SYNGR4: variants seen among roughly 807,000 people sequenced by gnomAD.
SYNGR4 encodes synaptogyrin 4, also known as synaptogyrin-4.
SYNGR4 carries 15 observed loss-of-function variants against 15.5 expected under a neutral mutation model. That is an observed-to-expected ratio of 0.97 (90% CI 0.65 to 1.49). The LOEUF is 1.49. Ranked by LOEUF, SYNGR4 falls within the 40% of genes most tolerant of loss-of-function variation. The pLI is 0.00. For missense variants in SYNGR4, 292 were observed against 299.3 expected, an observed-to-expected ratio of 0.98 and a Z score of 0.18; for synonymous variants, 121 against 127.4, an observed-to-expected ratio of 0.95 and a Z score of 0.34.
In SYNGR4 at chr19:48,376,363, G is replaced by A; in HGVS notation, c.*45G>A. ...TAAAGAGAGAATCCTCCCTCCAGAA[G>A]GGTTTCTAAAAACAGCCCTCAGTCC... On this transcript the variant is annotated 3_prime_UTR_variant, in exon 5 of 5. Transcript: ENST00000344846. 6.3e-7 allele frequency: 1 copy of A among 1,590,512 alleles called. No homozygotes were observed. Among genetic ancestry groups the A allele is most frequent in the South Asian group, 1.1e-5 (1 of 88,146 alleles).
intron 4 of SYNGR4, 130 bp from the exon 5 acceptor site, chr19:48,375,955 G>A (rs1970395247): frequency 6.5e-7 from 1 of 1,536,928 alleles, no homozygotes; most frequent in Non-Finnish European, 8.7e-7. Context: ...CTTTGGCCTA[G>A]GGCTCCTGGG....
chr19:48,365,909 A>G lies in SYNGR4; in HGVS notation c.67A>G (p.Lys23Glu). The change falls in exon 2 of 5, where the codon AAG (lysine) becomes GAG (glutamate). Residue 23 changes from lysine to glutamate, a missense_variant. Lys to Glu is a moderately conservative substitution (Grantham distance 56, BLOSUM62 1). Transcript: ENST00000344846. ...AGCCGTGCAGTTTCTGAGAAGGCCC[A>G]AGACCATCACGCGGGTCTTCGAAGG... ...SEAVQFLRRPKTITRVFEGVF... is the reference protein window; with the variant it reads ...SEAVQFLRRPETITRVFEGVF... The G allele has an allele frequency of 6.2e-7, 1 of 1,613,850 alleles. No individual in the cohort carries two copies. Among genetic ancestry groups the G allele is most frequent in the Non-Finnish European group, 8.5e-7 (1 of 1,179,962 alleles).
At chr19:48,372,816 T>C (rs1160803383) in intron 2 of SYNGR4, among the ~76,000 whole-genome samples, 1 of 152,222 alleles carries the variant, frequency 6.6e-6, no homozygotes, top group Admixed American at 6.5e-5. Flanking sequence ...TCTGTATGCT[T>C]GGACTATCTT....
In SYNGR4 at chr19:48,375,677, G is replaced by C. The variant is rs201883521; in HGVS notation, c.396G>C (p.Pro132=). The C allele has an allele frequency of 6.9e-5, 112 of 1,613,992 alleles. No homozygotes were observed. The East Asian group carries it at 1.9e-3, about 27-fold the overall frequency. Residue 132 remains proline (P), a synonymous_variant, in exon 4 of 5, where the codon CCG becomes CCC. Transcript: ENST00000344846. ...TGGCCAACCAATGGCAGCATTCGCC[G>C]CCCAAAGAGTTCCTCCTGGGGAGCA... The part of the protein sequence containing the change: ...CFLANQWQHS[P]PKEFLLGSSS...
intron 2 of SYNGR4, among the ~76,000 whole-genome samples, chr19:48,367,291 G>T (rs963971453): frequency 6.6e-6 from 1 of 152,024 alleles, no homozygotes; most frequent in African/African-American, 2.4e-5. Flanking sequence ...AAATTAGCTG[G>T]GTGTGGTGGC....
Position 48,373,558 on chromosome 19 carries a change from C to T in SYNGR4, c.135C>T (p.Gly45=), listed in dbSNP as rs765613295. The T allele has an allele frequency of 1.2e-6, 2 of 1,613,860 alleles. No homozygotes were observed. Among genetic ancestry groups the T allele is most frequent in the Non-Finnish European group, 1.7e-6 (2 of 1,180,026 alleles). Residue 45 remains glycine, a synonymous_variant, in exon 3 of 5, where the codon GGC becomes GGT. Transcript: ENST00000344846. The stretch of plus-strand genomic sequence containing the variant: ...TCTTCTCCTCCCTGCTGACCGACGG[C>T]TACCAGAACAAGATGGAGTCTCCGC... ...LIVFSSLLTD[G]YQNKMESPQL... is the part of the protein sequence containing the mutation.
intron 2 of SYNGR4, among the ~76,000 whole-genome samples, chr19:48,370,703 G>A (rs903016144): frequency 6.6e-6 from 1 of 152,070 alleles, no homozygotes; most frequent in Non-Finnish European, 1.5e-5. Context: ...GGGATTACAG[G>A]CATGAGCCAC....
intron 2 of SYNGR4, among the ~76,000 whole-genome samples, chr19:48,367,958 G>A (rs762347253): frequency 4.6e-5 from 7 of 152,160 alleles, no homozygotes; most frequent in Non-Finnish European, 1.0e-4. Context: ...GGAGTTCCCC[G>A]GCTCAGACCC....
chr19:48,375,734 C>T lies in SYNGR4; in HGVS notation c.453C>T (p.Phe151=), dbSNP rs758482772. The part of the protein sequence containing the change: ...SSAQAAIAFT[F]FSILVWIFQA... ...CCCAGGCAGCCATCGCCTTCACCTT[C>T]TTCTCCATCCTTGTCTGGGTGAGGA... is the stretch of plus-strand genomic sequence containing the variant. The change falls in exon 4 of 5, where the codon TTC becomes TTT. Residue 151 remains phenylalanine, a synonymous_variant. Coordinates refer to ENST00000344846, the MANE Select transcript of SYNGR4 (RefSeq NM_012451.4). 6.2e-7 allele frequency: 1 copy of T among 1,613,480 alleles called. No individual in the cohort carries two copies. Among genetic ancestry groups the T allele is most frequent in the Non-Finnish European group, 8.5e-7 (1 of 1,179,512 alleles).
chr19:48,365,341 C>T (rs1443180599), intron 1 of SYNGR4, among the ~76,000 whole-genome samples: 2 of 122,458 alleles, frequency 1.6e-5, no homozygotes, highest in Non-Finnish European at 3.4e-5. Flanking sequence ...CTCCACACAA[C>T]ACCTTTCCTG....
intron 2 of SYNGR4, among the ~76,000 whole-genome samples, chr19:48,370,440 G>A (rs1319950811): frequency 6.6e-6 from 1 of 152,030 alleles, no homozygotes; most frequent in Non-Finnish European, 1.5e-5. Context: ...CCGTGATCAC[G>A]CCACTGCACT....
intron 2 of SYNGR4, among the ~76,000 whole-genome samples, chr19:48,372,850 A>G (rs1056857596): frequency 6.6e-6 from 1 of 152,180 alleles, no homozygotes; most frequent in African/African-American, 2.4e-5. Flanking sequence ...AGAAATTAAT[A>G]GGAATTAGTG....
chr19:48,368,763 TC>T (rs1368365552), intron 2 of SYNGR4, among the ~76,000 whole-genome samples: 2 of 152,168 alleles, frequency 1.3e-5, no homozygotes, highest in Non-Finnish European at 2.9e-5. Context: ...TCCGTTGTCC[TC>T]CCCCAGGGAA....
chr19:48,368,312 A>T (rs1473809586), intron 2 of SYNGR4, among the ~76,000 whole-genome samples: 1 of 152,220 alleles, frequency 6.6e-6, no homozygotes, highest in Non-Finnish European at 1.5e-5. Flanking sequence ...GTGAAAATGT[A>T]ACAAATTAAT....
intron 2 of SYNGR4, among the ~76,000 whole-genome samples, chr19:48,367,811 C>G (rs1970244307): frequency 6.6e-6 from 1 of 152,210 alleles, no homozygotes; most frequent in Non-Finnish European, 1.5e-5. Context: ...CTGTTCATCT[C>G]TGGATCTCAG....
At position 48,366,946 on chromosome 19, in the gene SYNGR4, G is replaced by A. The variant is rs1970232566; in HGVS notation, c.93+1011G>A. 3.3e-5 allele frequency among the ~76,000 whole-genome samples: 5 copies of A among 151,940 alleles called. No individual in the cohort carries two copies. The South Asian group carries it at 1.0e-3, about 32-fold the overall frequency. ...AGGCAGGCAGATCATTTGAGGTCAG[G>A]AGTTCGAGACCAGCCTGGCCAACAT... is the stretch of plus-strand genomic sequence containing the variant. On this transcript the variant is annotated intron_variant, in intron 2 of 4. Transcript: ENST00000344846.
At chr19:48,373,900 A>G (rs1313354034) in intron 3 of SYNGR4, 146 bp downstream of exon 3, 2 of 750,148 alleles carry the variant, frequency 2.7e-6, no homozygotes, top group Non-Finnish European at 4.5e-6. Flanking sequence ...TCTGACCACA[A>G]GTGGCCCAGA....
intron 3 of SYNGR4, among the ~76,000 whole-genome samples, chr19:48,374,966 ACT>A (rs148239506): frequency 0.2 from 29,203 of 149,562 alleles, 3,069 homozygotes; most frequent in East Asian, 0.33. Flanking sequence ...ACAGAGCGAG[ACT>A]CTGTCTCAAT....
rs140174150 is a variant in SYNGR4 at position 48,373,598 on chromosome 19, C to A, written c.175C>A (p.Leu59Ile). The change falls in exon 3 of 5, where the codon CTC becomes ATC. Residue 59 changes from leucine to isoleucine, a missense_variant. Physicochemically the swap from Leu to Ile is conservative, Grantham distance 5. Transcript: ENST00000344846. ...KMESPQLHCILNSNSVACSFA... is the reference protein window; with the variant it reads ...KMESPQLHCIINSNSVACSFA... ...GGAGTCTCCGCAGCTCCACTGCATTCTCAACAGCAACAGCGTGGCCTGCAG... is the reference window on the plus strand; with the variant it reads ...GGAGTCTCCGCAGCTCCACTGCATTATCAACAGCAACAGCGTGGCCTGCAG... 2 of 1,613,788 alleles carry A rather than the reference C, an allele frequency of 1.2e-6. No individual in the cohort carries two copies. The highest frequency in any genetic ancestry group is 3.3e-5 in the Admixed American group (2 of 59,994).
Sources: gnomAD v4.1 joint callset for allele counts (sites outside exome capture counted in the v4.1 genomes callset) on GRCh38, gnomAD v4.1.1 for gene constraint, MANE v1.5 for transcripts, NCBI Gene and HGNC (gene_info 2026-07-23, HGNC 2026-07-21) for gene names.